Variants in N4BP2L1 observed in about 807,000 individuals in gnomAD.
N4BP2L1 encodes the protein NEDD4 binding protein 2 like 1.
A neutral mutation model predicts 21.2 loss-of-function variants in N4BP2L1; 12 were observed. The ratio of observed to expected loss-of-function variants is 0.57; its 90% CI spans 0.36 to 0.92. N4BP2L1 has a LOEUF of 0.92. Ranked by LOEUF, N4BP2L1 falls within the 40% of genes least tolerant of loss-of-function variation. N4BP2L1 has a pLI of 0.01. For synonymous variants in N4BP2L1, 104 were observed against 112.8 expected, an observed-to-expected ratio of 0.92 and a Z score of 0.49; for missense variants, 259 against 310.6, an observed-to-expected ratio of 0.83 and a Z score of 1.25.
At chr13:32,403,532 C>CATAT in intron 4 of N4BP2L1, 1 of 411,940 alleles carries the variant, frequency 2.4e-6, no homozygotes, top group Non-Finnish European at 4.6e-6. Context: ...TAATGTCATG[C>CATAT]ATATATCTAT....
intron 1 of N4BP2L1, chr13:32,411,873 A>G (rs1283607591): frequency 1.4e-6 from 1 of 690,886 alleles, no homozygotes; most frequent in Non-Finnish European, 1.8e-6. Flanking sequence ...CTTGACGCCC[A>G]GTTTTTTACT....
intron 1 of N4BP2L1, chr13:32,420,566 A>C (rs1358331812): frequency 6.6e-6 from 1 of 152,222 alleles, no homozygotes; most frequent in South Asian, 2.1e-4. Flanking sequence ...CGGCACATCA[A>C]ACATTTTCAC....
chr13:32,407,467 T>C, intron 2 of N4BP2L1, 129 bp from the exon 3 acceptor site: 1 of 1,580,502 alleles, frequency 6.3e-7, no homozygotes, highest in Non-Finnish European at 8.6e-7. Flanking sequence ...GAGCCCACTA[T>C]CAATCAATAA....
chr13:32,408,351 A>G (rs1276971865), intron 1 of N4BP2L1, among the ~76,000 whole-genome samples: 2 of 152,188 alleles, frequency 1.3e-5, no homozygotes, highest in Non-Finnish European at 2.9e-5. Flanking sequence ...TTTAATGATG[A>G]CCCGAGCCAA....
intron 1 of N4BP2L1, among the ~76,000 whole-genome samples, chr13:32,412,353 G>A (rs145760565): frequency 2.0e-5 from 3 of 150,214 alleles, no homozygotes; most frequent in African/African-American, 4.9e-5. Flanking sequence ...CAGGCCGGGC[G>A]CGGTGGCTCA....
At chr13:32,422,559 G>A (rs2074542174) in intron 1 of N4BP2L1, among the ~76,000 whole-genome samples, 1 of 152,106 alleles carries the variant, frequency 6.6e-6, no homozygotes, top group Non-Finnish European at 1.5e-5. Flanking sequence ...TGCAATATCG[G>A]ATTGCCCCAG....
intron 1 of N4BP2L1, among the ~76,000 whole-genome samples, chr13:32,424,296 C>T (rs543647561): frequency 3.3e-5 from 5 of 152,288 alleles, no homozygotes; most frequent in African/African-American, 9.6e-5. Flanking sequence ...CCTTTTCCTT[C>T]GTTCAGCCAC....
Position 32,414,779 on chromosome 13 carries a change from C to G in N4BP2L1, c.180-7007G>C, listed in dbSNP as rs114917951. 1.4e-3 allele frequency among the ~76,000 whole-genome samples: 218 copies of G among 152,278 alleles called. 1 individual carries two copies. The highest frequency in any genetic ancestry group is 5.0e-3 in the African/African-American group (209 of 41,564). On this transcript the variant is annotated intron_variant, in intron 1 of 4. Transcript: ENST00000380130. ...AATAAAGAAACTAGGGCTTCAAGAG[C>G]TTAAAAACTGGCTTGGGTTTCTACC...
intron 2 of N4BP2L1, 107 bp downstream of exon 2, chr13:32,407,538 G>A: frequency 6.3e-7 from 1 of 1,598,786 alleles, no homozygotes; most frequent in Non-Finnish European, 8.5e-7. Context: ...GGGAAAAATT[G>A]GCAGAACTTT....
intron 3 of N4BP2L1, among the ~76,000 whole-genome samples, chr13:32,406,111 G>A (rs1209681588): frequency 4.6e-5 from 7 of 150,646 alleles, no homozygotes; most frequent in Non-Finnish European, 7.4e-5. Flanking sequence ...GGGTTTCACC[G>A]TGTTAGTCAG....
chr13:32,405,774 C>G (rs1309163178), intron 3 of N4BP2L1, among the ~76,000 whole-genome samples: 3 of 152,028 alleles, frequency 2.0e-5, no homozygotes, highest in Non-Finnish European at 4.4e-5. Flanking sequence ...CAGTTAGCCC[C>G]AGATGTAAAA....
intron 1 of N4BP2L1, chr13:32,419,412 A>ATTTTTTTTTTGTTTTTTTT: frequency 3.6e-6 from 1 of 277,786 alleles, no homozygotes; most frequent in Non-Finnish European, 6.4e-6. Context: ...TGCTTGGCTA[A>ATTTTTTTTTTGTTTTTTTT]TTTTTTTTTT....
intron 3 of N4BP2L1, chr13:32,406,924 G>A (rs1017847412): frequency 2.9e-6 from 1 of 350,288 alleles, no homozygotes; most frequent in African/African-American, 2.1e-5. Context: ...TATTAGTATT[G>A]ATCTGAACAT....
chr13:32,401,401 T>C lies in N4BP2L1; in HGVS notation c.*1541A>G, dbSNP rs2073122261. 1 of 152,230 alleles carries C rather than the reference T, an allele frequency of 6.6e-6. No homozygotes were observed. The highest frequency in any genetic ancestry group is 2.4e-5 in the African/African-American group (1 of 41,468). The allele number at this position is 152,230 out of a possible 1,614,324, so 9.4% of individuals were successfully genotyped here. A position where few individuals can be genotyped will look rare whatever the true frequency, so the allele number is the denominator to read the frequency against. On this transcript the variant is annotated 3_prime_UTR_variant, in exon 5 of 5. Coordinates refer to ENST00000380130, the MANE Select transcript of N4BP2L1 (RefSeq NM_052818.3). ...CCTTAGATTCATTGGGATTTACTATTGTCAGCCAAACTTACTCAAAGGAGA... is the reference window on the plus strand; with the variant it reads ...CCTTAGATTCATTGGGATTTACTATCGTCAGCCAAACTTACTCAAAGGAGA...
chr13:32,420,759 T>C (rs2074427236), intron 1 of N4BP2L1, among the ~76,000 whole-genome samples: 1 of 152,192 alleles, frequency 6.6e-6, no homozygotes, highest in African/African-American at 2.4e-5. Context: ...AATGGCGTAA[T>C]CTCGGCTCAC....
intron 1 of N4BP2L1, among the ~76,000 whole-genome samples, chr13:32,420,822 T>G (rs1290598274): frequency 6.6e-6 from 1 of 152,074 alleles, no homozygotes; most frequent in Non-Finnish European, 1.5e-5. Flanking sequence ...GCCTCCCAAG[T>G]AGCTGGGATT....
intron 1 of N4BP2L1, among the ~76,000 whole-genome samples, chr13:32,421,147 G>A (rs900148749): frequency 1.3e-5 from 2 of 152,220 alleles, no homozygotes; most frequent in Non-Finnish European, 2.9e-5. Flanking sequence ...TTGAATAAAG[G>A]CCTGTGATGT....
At chr13:32,427,739 C>T (rs1201214549) in intron 1 of N4BP2L1, among the ~76,000 whole-genome samples, 165 bp downstream of exon 1, 1 of 151,702 alleles carries the variant, frequency 6.6e-6, no homozygotes, top group Non-Finnish European at 1.5e-5. Flanking sequence ...GGGCTCCCCG[C>T]GCTGCCAGGC....
At chr13:32,403,274 G>C (rs761606974) in intron 4 of N4BP2L1, 74 bp from the exon 5 acceptor site, 1 of 1,455,768 alleles carries the variant, frequency 6.9e-7, no homozygotes, top group Admixed American at 2.2e-5. Context: ...AAGTCCTCTA[G>C]TATTGCAGAT....
Sources: gnomAD v4.1 joint callset for allele counts (sites outside exome capture counted in the v4.1 genomes callset) on GRCh38, gnomAD v4.1.1 for gene constraint, MANE v1.5 for transcripts, NCBI Gene and HGNC (gene_info 2026-07-23, HGNC 2026-07-21) for gene names.